EDNRB: variants seen among roughly 807,000 people sequenced by gnomAD.
EDNRB encodes endothelin receptor type B.
In EDNRB, 18 loss-of-function variants were observed where a neutral mutation model predicts 46.4. That is an observed-to-expected ratio of 0.39 (90% CI 0.27 to 0.57). EDNRB has a LOEUF of 0.57. Among genes scored for constraint, EDNRB ranks in the 20% least tolerant of loss-of-function variants. The pLI is 0.61. For synonymous variants in EDNRB, 213 were observed against 204.9 expected (o/e 1.04, Z -0.34); for missense variants, 434 against 537.5 (o/e 0.81, Z 1.90).
chr13:77,943,740 G>A lies in EDNRB; in HGVS notation c.-51-25116C>T, dbSNP rs534671036. On this transcript the variant is annotated intron_variant, in intron 1 of 7. Transcript: ENST00000646948. Reference sequence around the variant, plus strand: ...CATTATCTTAGTTTCTCTTCTATTGGCTTTTTCACCTTCATTTTTTGTTTA... The same window carrying A: ...CATTATCTTAGTTTCTCTTCTATTGACTTTTTCACCTTCATTTTTTGTTTA... 2.6e-5 allele frequency among the ~76,000 whole-genome samples: 4 copies of A among 151,826 alleles called. No individual in the cohort carries two copies. In the South Asian group the frequency reaches 8.3e-4, roughly 32 times the overall value.
intron 1 of EDNRB, among the ~76,000 whole-genome samples, 158 bp downstream of exon 1, chr13:77,917,933 C>G (rs1879889771): frequency 6.6e-6 from 1 of 152,064 alleles, no homozygotes; most frequent in Non-Finnish European, 1.5e-5. Context: ...GTGGACAGAA[C>G]CAAATGGAAT....
At chr13:77,925,882 C>T (rs1250810662) in intron 1 of EDNRB, among the ~76,000 whole-genome samples, 2 of 152,150 alleles carry the variant, frequency 1.3e-5, no homozygotes, top group African/African-American at 2.4e-5. Context: ...CAGCCAGAGG[C>T]GAGGCTGTAC....
intron 1 of EDNRB, among the ~76,000 whole-genome samples, chr13:77,954,100 ATTGCATCCCTTTTTTCTT>A (rs1881166333): frequency 6.6e-6 from 1 of 152,070 alleles, no homozygotes; most frequent in Non-Finnish European, 1.5e-5. Context: ...CAATTCCAAC[ATTGCATCCCTTTTTTCTT>A]TTGTTTCTTG....
chr13:77,945,669 G>A (rs1229797169), intron 1 of EDNRB, among the ~76,000 whole-genome samples: 2 of 151,934 alleles, frequency 1.3e-5, no homozygotes, highest in Non-Finnish European at 2.9e-5. Context: ...ACTTACGGAA[G>A]GCTTAAATCA....
At chr13:77,919,376 A>G, upstream of EDNRB, 1 of 1,602,556 alleles carries the variant, frequency 6.2e-7, no homozygotes, top group Non-Finnish European at 8.5e-7. Context: ...TTTTAATTCA[A>G]CACCAAGCCC....
intron 1 of EDNRB, among the ~76,000 whole-genome samples, chr13:77,969,880 C>A (rs778657603): frequency 6.6e-6 from 1 of 152,092 alleles, no homozygotes; most frequent in South Asian, 2.1e-4. Flanking sequence ...AATGTTTCTA[C>A]GAGGTCAGCT....
At chr13:77,967,789 T>C (rs1311249689) in intron 1 of EDNRB, among the ~76,000 whole-genome samples, 1 of 152,224 alleles carries the variant, frequency 6.6e-6, no homozygotes, top group African/African-American at 2.4e-5. Context: ...CCTTGATATT[T>C]ACTCCTCCTA....
intron 1 of EDNRB, 148 bp downstream of exon 1, chr13:77,917,943 T>G (rs1201846077): frequency 1.6e-6 from 2 of 1,237,412 alleles, no homozygotes; most frequent in African/African-American, 3.0e-5. Flanking sequence ...CCAAATGGAA[T>G]TTGGTTCCAA....
intron 1 of EDNRB, among the ~76,000 whole-genome samples, chr13:77,974,933 C>A (rs1881843053): frequency 6.6e-6 from 1 of 152,098 alleles, no homozygotes; most frequent in African/African-American, 2.4e-5. Context: ...CTTATTTGTG[C>A]CTGACCCATG....
intron 1 of EDNRB, among the ~76,000 whole-genome samples, chr13:77,928,653 C>G (rs1268377495): frequency 6.6e-6 from 1 of 152,066 alleles, no homozygotes; most frequent in South Asian, 2.1e-4. Context: ...ATACAACTGG[C>G]CTTTTTCCTT....
rs1879952570 is a variant in EDNRB at position 77,918,723 on chromosome 13, T to C, written c.-150A>G. 4 of 1,344,554 alleles carry C rather than the reference T, an allele frequency of 3.0e-6. No individual in the cohort carries two copies. The East Asian group carries it at 1.1e-4, about 38-fold the overall frequency. 83.3% of individuals were successfully genotyped at this position (1,344,554 alleles called of 1,614,324 possible). A position where few individuals can be genotyped will look rare whatever the true frequency, so the allele number is the denominator to read the frequency against. ...ACCGCCCGCAGCCTCTTCGCCAGTATCCACGCTCAAAAGTAACTCAAGTTT... is the reference window on the plus strand; with the variant it reads ...ACCGCCCGCAGCCTCTTCGCCAGTACCCACGCTCAAAAGTAACTCAAGTTT... On this transcript the variant is annotated 5_prime_UTR_variant, in exon 1 of 7. Coordinates refer to ENST00000646607, the MANE Select transcript of EDNRB (RefSeq NM_001122659.3). The surrounding 1 kb of genome is among the most constrained non-coding windows in gnomAD (Gnocchi z 4.5).
At chr13:77,929,790 C>A (rs1293104000) in intron 1 of EDNRB, among the ~76,000 whole-genome samples, 3 of 152,130 alleles carry the variant, frequency 2.0e-5, no homozygotes, top group African/African-American at 7.2e-5. Context: ...AAGCCTTATG[C>A]AAATCATTTT....
intron 1 of EDNRB, among the ~76,000 whole-genome samples, chr13:77,970,749 T>C (rs890327046): frequency 6.7e-6 from 1 of 148,294 alleles, no homozygotes; most frequent in Non-Finnish European, 1.5e-5. Context: ...ATACCTTATA[T>C]AGAATAAAAT....
Position 77,898,155 on chromosome 13 carries a change from T to G in EDNRB, c.*45A>C. ...AATGTTTCATTTTGTTTTAATGACT[T>G]CGGTCCAATATAAAGAAAATGAAAT... is the stretch of plus-strand genomic sequence containing the variant. On this transcript the variant is annotated 3_prime_UTR_variant, in exon 7 of 7. Coordinates refer to ENST00000646607, the MANE Select transcript of EDNRB (RefSeq NM_001122659.3). 1.2e-6 allele frequency: 2 copies of G among 1,602,506 alleles called. No homozygotes were observed. Among genetic ancestry groups the G allele is most frequent in the Non-Finnish European group, 1.7e-6 (2 of 1,173,784 alleles).
intron 1 of EDNRB, among the ~76,000 whole-genome samples, chr13:77,930,370 G>A (rs578092482): frequency 6.6e-6 from 1 of 152,326 alleles, no homozygotes; most frequent in African/African-American, 2.4e-5. Context: ...CATGCATGAA[G>A]TATGTTCCCA....
At chr13:77,936,815 T>C (rs982890933) in intron 1 of EDNRB, among the ~76,000 whole-genome samples, 1 of 152,242 alleles carries the variant, frequency 6.6e-6, no homozygotes, top group African/African-American at 2.4e-5. Context: ...CTTGTAGGAA[T>C]GCTTGACTGC....
At chr13:77,947,984 A>G (rs1594391333) in intron 1 of EDNRB, among the ~76,000 whole-genome samples, 1 of 152,106 alleles carries the variant, frequency 6.6e-6, no homozygotes, top group Middle Eastern at 3.2e-3. Flanking sequence ...CTCAATAGCA[A>G]TTAGAAGGGA....
chr13:77,915,322 T>C (rs1879756157), intron 1 of EDNRB, among the ~76,000 whole-genome samples: 1 of 152,174 alleles, frequency 6.6e-6, no homozygotes, highest in African/African-American at 2.4e-5. Context: ...CTCAAATTAA[T>C]TTCTGAAAAT....
chr13:77,973,925 C>A (rs371367641), intron 1 of EDNRB, among the ~76,000 whole-genome samples: 1 of 143,454 alleles, frequency 7.0e-6, no homozygotes, highest in Non-Finnish European at 1.5e-5. Context: ...AAATTCTGCC[C>A]CCCCTTTTTT....
Sources: gnomAD v4.1 joint callset for allele counts (sites outside exome capture counted in the v4.1 genomes callset) on GRCh38, gnomAD v4.1.1 for gene constraint, Gnocchi (gnomAD v3.1) non-coding constraint, MANE v1.5 for transcripts, NCBI Gene and HGNC (gene_info 2026-07-23, HGNC 2026-07-21) for gene names.